SPAG16: variants seen among roughly 807,000 people sequenced by gnomAD.
SPAG16 encodes sperm associated antigen 16.
In SPAG16, 86 loss-of-function variants were observed where a neutral mutation model predicts 80.4. That is an observed-to-expected ratio of 1.07 (90% confidence interval 0.90 to 1.28). The LOEUF is 1.28. Ranked by LOEUF, SPAG16 falls within the 50% of genes most tolerant of loss-of-function variation. The pLI is 0.00. For missense variants in SPAG16, 870 were observed against 765.3 expected (o/e 1.14, Z -1.61); for synonymous variants, 294 against 265.9 (o/e 1.11, Z -1.03).
At chr2:214,297,264 C>G (rs1316905888) in intron 15 of SPAG16, among the ~76,000 whole-genome samples, 2 of 151,956 alleles carry the variant, frequency 1.3e-5, no homozygotes, top group Non-Finnish European at 2.9e-5. Context: ...TGTAGGTTGT[C>G]AGTTTACTCT....
chr2:213,449,701 C>G (rs981350365), intron 9 of SPAG16, among the ~76,000 whole-genome samples: 1 of 152,112 alleles, frequency 6.6e-6, no homozygotes, highest in Non-Finnish European at 1.5e-5. Context: ...GGTGCAATAT[C>G]TAGGTAATGA....
At chr2:213,439,659 G>T (rs1015317579) in intron 9 of SPAG16, among the ~76,000 whole-genome samples, 1 of 152,184 alleles carries the variant, frequency 6.6e-6, no homozygotes, top group African/African-American at 2.4e-5. Flanking sequence ...TCAACAAAAA[G>T]GAATGAAGTC....
chr2:213,591,145 CATCTTT>C (rs1559287907), intron 10 of SPAG16, among the ~76,000 whole-genome samples: 1 of 152,096 alleles, frequency 6.6e-6, no homozygotes, highest in African/African-American at 2.4e-5. Flanking sequence ...ATATTCTTGC[CATCTTT>C]ATCTTCTAGG....
At chr2:214,160,418 T>C (rs1242188926) in intron 15 of SPAG16, among the ~76,000 whole-genome samples, 1 of 151,968 alleles carries the variant, frequency 6.6e-6, no homozygotes, top group Non-Finnish European at 1.5e-5. Context: ...TGTGCTTATT[T>C]TCCTTCTACT....
chr2:214,185,826 C>T (rs531139833), intron 15 of SPAG16, among the ~76,000 whole-genome samples: 17 of 152,250 alleles, frequency 1.1e-4, no homozygotes, highest in Admixed American at 3.3e-4. Context: ...AAAGCAGCCC[C>T]ACAATACACA....
At chr2:214,321,644 A>G (rs1696103707) in intron 15 of SPAG16, among the ~76,000 whole-genome samples, 1 of 152,206 alleles carries the variant, frequency 6.6e-6, no homozygotes. Flanking sequence ...CGAGATTTTT[A>G]TTTTAGTGTA....
intron 10 of SPAG16, among the ~76,000 whole-genome samples, chr2:213,609,374 T>C (rs2061369102): frequency 6.6e-6 from 1 of 152,252 alleles, no homozygotes; most frequent in South Asian, 2.1e-4. Context: ...GTTTTAAGTA[T>C]ATCCCAATTC....
intron 13 of SPAG16, among the ~76,000 whole-genome samples, chr2:214,050,520 A>G (rs1472981914): frequency 7.9e-6 from 1 of 127,360 alleles, no homozygotes; most frequent in African/African-American, 2.9e-5. Flanking sequence ...AACGTAATTC[A>G]TATTACTTAA....
intron 10 of SPAG16, among the ~76,000 whole-genome samples, chr2:213,839,526 A>G (rs183885567): frequency 0.01 from 1,591 of 152,344 alleles, 14 homozygotes; most frequent in Middle Eastern, 0.017. Context: ...GATCCTTATT[A>G]TATAGGCTAA....
chr2:213,838,311 A>G (rs1346213311), intron 10 of SPAG16, among the ~76,000 whole-genome samples: 5 of 152,112 alleles, frequency 3.3e-5, no homozygotes, highest in African/African-American at 1.2e-4. Context: ...AGCTGGGATT[A>G]TAGGCATGCG....
chr2:214,062,633 G>T (rs2050328807), intron 13 of SPAG16, among the ~76,000 whole-genome samples: 1 of 141,156 alleles, frequency 7.1e-6, no homozygotes, highest in African/African-American at 2.7e-5. Flanking sequence ...ACAATATCTT[G>T]TTGGCACCAC....
At chr2:214,212,171 C>T (rs2058312144) in intron 15 of SPAG16, among the ~76,000 whole-genome samples, 1 of 152,110 alleles carries the variant, frequency 6.6e-6, no homozygotes, top group African/African-American at 2.4e-5. Flanking sequence ...GTTTACCCCT[C>T]TCTAAATTCC....
At chr2:214,199,714 G>T (rs762548458) in intron 15 of SPAG16, among the ~76,000 whole-genome samples, 2 of 152,032 alleles carry the variant, frequency 1.3e-5, no homozygotes, top group Non-Finnish European at 2.9e-5. Context: ...TCACAATATT[G>T]TATCTTCCCA....
chr2:214,119,626 A>G (rs1332778089), intron 14 of SPAG16, among the ~76,000 whole-genome samples: 2 of 151,944 alleles, frequency 1.3e-5, no homozygotes, highest in Non-Finnish European at 2.9e-5. Context: ...TTTATTTTGC[A>G]TTCTAGTCTC....
chr2:213,949,180 T>TTTTTTTTTTTTTTTTTTTTGTTTTG (rs2079618002), intron 12 of SPAG16, among the ~76,000 whole-genome samples: 1 of 18,346 alleles, frequency 5.5e-5, no homozygotes, highest in Non-Finnish European at 1.7e-4. Flanking sequence ...TTTTTTTTTT[T>TTTTTTTTTTTTTTTTTTTTGTTTTG]TTTTTTTTTT....
chr2:213,859,854 G>A (rs1212268250), intron 10 of SPAG16, among the ~76,000 whole-genome samples: 1 of 152,108 alleles, frequency 6.6e-6, no homozygotes, highest in Non-Finnish European at 1.5e-5. Flanking sequence ...GCTACTATTG[G>A]GGTTGAGCAT....
chr2:214,344,702 C>T (rs1415491452), intron 15 of SPAG16, among the ~76,000 whole-genome samples: 1 of 152,266 alleles, frequency 6.6e-6, no homozygotes, highest in East Asian at 1.9e-4. Context: ...TTATTCTCTG[C>T]TCCTGCAGCT....
chr2:214,059,863 C>T (rs1303998437), intron 13 of SPAG16, among the ~76,000 whole-genome samples: 12 of 152,058 alleles, frequency 7.9e-5, no homozygotes, highest in Admixed American at 7.9e-4. Flanking sequence ...AAATGGAAGG[C>T]ACAGTCATTT....
chr2:214,248,651 A>G (rs972489151), intron 15 of SPAG16, among the ~76,000 whole-genome samples: 4 of 152,044 alleles, frequency 2.6e-5, no homozygotes, highest in South Asian at 2.1e-4. Context: ...TGATTTTGCA[A>G]TGAAAAAGCC....
Sources: gnomAD v4.1 joint callset for allele counts (sites outside exome capture counted in the v4.1 genomes callset) on GRCh38, gnomAD v4.1.1 for gene constraint, MANE v1.5 for transcripts, NCBI Gene and HGNC (gene_info 2026-07-23, HGNC 2026-07-21) for gene names.